CDH4: variants seen among roughly 807,000 people sequenced by gnomAD.
CDH4 encodes the protein cadherin-4.
Under a neutral mutation model 86.0 loss-of-function variants are expected in CDH4, and 33 were observed. That is an observed-to-expected ratio of 0.38 (90% confidence interval 0.29 to 0.51). The LOEUF (loss-of-function observed/expected upper bound fraction) is 0.51. Ranked by LOEUF, CDH4 falls within the 20% of genes least tolerant of loss-of-function variation. The pLI is 0.86. For missense variants in CDH4, 1,114 were observed against 1,307.4 expected, an observed-to-expected ratio of 0.85 and a Z score of 2.28; for synonymous variants, 555 against 549.4, an observed-to-expected ratio of 1.01 and a Z score of -0.14.
intron 2 of CDH4, among the ~76,000 whole-genome samples, chr20:61,527,677 T>C (rs1032493250): frequency 1.1e-4 from 16 of 152,234 alleles, no homozygotes; most frequent in African/African-American, 3.9e-4. Context: ...GCATGCGTGC[T>C]GTTTTATATG....
At chr20:61,307,849 C>T (rs763908114) in intron 2 of CDH4, among the ~76,000 whole-genome samples, 4 of 152,172 alleles carry the variant, frequency 2.6e-5, no homozygotes, top group Non-Finnish European at 4.4e-5. Context: ...GCTCCACCCA[C>T]GGGGACAAGT....
chr20:61,773,214 G>T (rs756889220), intron 4 of CDH4, 32 bp downstream of exon 4: 2 of 1,497,900 alleles, frequency 1.3e-6, no homozygotes, highest in South Asian at 1.3e-5. Flanking sequence ...GGGCACGGGG[G>T]TCTCGGCGTT....
chr20:61,280,389 G>A (rs986208502), intron 2 of CDH4, among the ~76,000 whole-genome samples: 4 of 152,324 alleles, frequency 2.6e-5, no homozygotes, highest in East Asian at 1.9e-4. Flanking sequence ...CTCCCAAGGC[G>A]GGGGCGTGTG....
chr20:61,513,967 G>A (rs1245916380), intron 2 of CDH4, among the ~76,000 whole-genome samples: 1 of 152,198 alleles, frequency 6.6e-6, no homozygotes, highest in Non-Finnish European at 1.5e-5. Flanking sequence ...TTTGCAGGGC[G>A]CCAAGCAGAG....
At chr20:61,609,548 G>C (rs1351346160) in intron 2 of CDH4, among the ~76,000 whole-genome samples, 1 of 152,142 alleles carries the variant, frequency 6.6e-6, no homozygotes, top group Non-Finnish European at 1.5e-5. Flanking sequence ...CCTGAGGGAG[G>C]GACCTCTTGG....
intron 7 of CDH4, among the ~76,000 whole-genome samples, chr20:61,886,827 G>A (rs773266420): frequency 1.3e-5 from 2 of 152,210 alleles, no homozygotes; most frequent in Non-Finnish European, 2.9e-5. Context: ...ACTGCACACA[G>A]CGAGGCCTGT....
At chr20:61,624,881 T>C (rs904921553) in intron 2 of CDH4, among the ~76,000 whole-genome samples, 1 of 152,178 alleles carries the variant, frequency 6.6e-6, no homozygotes. Flanking sequence ...AGGCGCCCCT[T>C]GATCCCAGAA....
At chr20:61,454,688 G>A (rs1368178704) in intron 2 of CDH4, among the ~76,000 whole-genome samples, 6 of 152,102 alleles carry the variant, frequency 3.9e-5, no homozygotes, top group South Asian at 2.1e-4. Context: ...CTCGTGATCC[G>A]CCCACCTTGG....
chr20:61,353,342 T>C (rs1568810099), intron 2 of CDH4, among the ~76,000 whole-genome samples: 3 of 152,008 alleles, frequency 2.0e-5, no homozygotes, highest in South Asian at 4.2e-4. Context: ...TGGACTAATA[T>C]TTCCTCTTCC....
In CDH4 at chr20:61,385,063, G is replaced by A. The variant is rs1019048786; in HGVS notation, c.169+130126G>A. On this transcript the variant is annotated intron_variant, in intron 2 of 15. Coordinates refer to ENST00000614565, the MANE Select transcript of CDH4 (RefSeq NM_001794.5). The stretch of plus-strand genomic sequence containing the variant: ...TTAGCGATTGCCAAGCCCTAGGGGC[G>A]TTTTCAGTTTGGAACTGCTTTAAAC... 2.0e-5 allele frequency among the ~76,000 whole-genome samples: 3 copies of A among 152,160 alleles called. No individual in the cohort carries two copies. The South Asian group carries it at 6.2e-4, about 31-fold the overall frequency.
At chr20:61,381,867 G>A (rs1018244102) in intron 2 of CDH4, among the ~76,000 whole-genome samples, 1 of 151,928 alleles carries the variant, frequency 6.6e-6, no homozygotes, top group African/African-American at 2.4e-5. Context: ...CTGAGCTCAG[G>A]AGTTCGAGGC....
intron 2 of CDH4, among the ~76,000 whole-genome samples, chr20:61,658,329 C>A (rs1355794977): frequency 6.6e-6 from 1 of 152,096 alleles, no homozygotes; most frequent in Non-Finnish European, 1.5e-5. Context: ...ATGTCTGCAA[C>A]CCCGAGTCAT....
intron 2 of CDH4, among the ~76,000 whole-genome samples, chr20:61,443,894 G>A (rs956972740): frequency 6.6e-6 from 1 of 151,728 alleles, no homozygotes; most frequent in African/African-American, 2.4e-5. Flanking sequence ...CTGTGTATGT[G>A]TCTGTGTGTG....
At chr20:61,306,596 A>G (rs771485714) in intron 2 of CDH4, among the ~76,000 whole-genome samples, 17 of 152,126 alleles carry the variant, frequency 1.1e-4, no homozygotes, top group Non-Finnish European at 1.9e-4. Context: ...CAGCCTCCCA[A>G]AGTGCTGGGA....
intron 2 of CDH4, among the ~76,000 whole-genome samples, chr20:61,375,967 G>A (rs1334319514): frequency 3.3e-5 from 2 of 60,752 alleles, no homozygotes; most frequent in Non-Finnish European, 6.5e-5. Context: ...AGCACTGGTG[G>A]TGATGGTATG....
intron 9 of CDH4, among the ~76,000 whole-genome samples, chr20:61,922,944 CT>C (rs2054997834): frequency 6.6e-6 from 1 of 152,228 alleles, no homozygotes; most frequent in Admixed American, 6.5e-5. Context: ...ATGAGGGCCT[CT>C]GTCTTTAACT....
At chr20:61,452,147 T>C (rs2085384393) in intron 2 of CDH4, among the ~76,000 whole-genome samples, 1 of 152,200 alleles carries the variant, frequency 6.6e-6, no homozygotes, top group Admixed American at 6.5e-5. Context: ...TGGAGGCTTG[T>C]GCTCAGGTTG....
intron 8 of CDH4, among the ~76,000 whole-genome samples, chr20:61,898,932 G>A (rs993825174): frequency 3.3e-5 from 5 of 152,144 alleles, no homozygotes; most frequent in Admixed American, 1.3e-4. Context: ...GTCCCGTCTC[G>A]GTCTTTCATA....
At chr20:61,545,869 G>A (rs1376944979) in intron 2 of CDH4, among the ~76,000 whole-genome samples, 2 of 151,224 alleles carry the variant, frequency 1.3e-5, no homozygotes, top group African/African-American at 4.9e-5. Context: ...TGTGTGTAGA[G>A]GGTATGTGGG....
Sources: gnomAD v4.1 joint callset for allele counts (sites outside exome capture counted in the v4.1 genomes callset) on GRCh38, gnomAD v4.1.1 for gene constraint, MANE v1.5 for transcripts, NCBI Gene and HGNC (gene_info 2026-07-23, HGNC 2026-07-21) for gene names.